Variants in PTPN9 observed in about 807,000 individuals in gnomAD.
PTPN9 encodes the protein tyrosine-protein phosphatase non-receptor type 9.
Under a neutral mutation model 69.8 loss-of-function variants are expected in PTPN9, and 26 were observed. That is an observed-to-expected ratio of 0.37 (90% CI 0.27 to 0.52). The LOEUF is 0.52. Among genes scored for constraint, PTPN9 ranks in the 20% least tolerant of loss-of-function variants. The pLI is 0.91. For synonymous variants in PTPN9, 274 were observed against 272.5 expected (o/e 1.01, Z -0.05); for missense variants, 549 against 740.3 (o/e 0.74, Z 3.00).
chr15:75,504,271 T>C (rs1457594942), intron 7 of PTPN9, among the ~76,000 whole-genome samples: 19 of 103,488 alleles, frequency 1.8e-4, no homozygotes, highest in East Asian at 6.9e-4. Context: ...GTCAGCCCCC[T>C]GCCCGGCCAG....
chr15:75,517,436 C>T, intron 4 of PTPN9, 72 bp from the exon 5 acceptor site: 1 of 1,188,800 alleles, frequency 8.4e-7, no homozygotes, highest in Non-Finnish European at 1.2e-6. Flanking sequence ...AGCCTAATGC[C>T]AAAACAAAAC....
chr15:75,504,455 C>T (rs2074802390), intron 7 of PTPN9, among the ~76,000 whole-genome samples: 1 of 132,686 alleles, frequency 7.5e-6, no homozygotes, highest in Non-Finnish European at 1.6e-5. Context: ...CCCGCCCGGC[C>T]AGCCGCCCGG....
chr15:75,572,981 T>C (rs1749429787), intron 1 of PTPN9, among the ~76,000 whole-genome samples: 1 of 152,144 alleles, frequency 6.6e-6, no homozygotes, highest in South Asian at 2.1e-4. Flanking sequence ...CAAACTATAT[T>C]TTAAGAAGCA....
chr15:75,473,810 A>C, intron 9 of PTPN9, 43 bp from the exon 10 acceptor site: 1 of 1,475,756 alleles, frequency 6.8e-7, no homozygotes, highest in Non-Finnish European at 9.4e-7. Context: ...TCTGGGAAAC[A>C]CTTTTTTTCT....
Position 75,505,877 on chromosome 15 carries a change from CG to C in PTPN9, c.765del (p.Asn255LysfsTer19). 1 of 1,613,996 alleles carries C rather than the reference CG, an allele frequency of 6.2e-7. No homozygotes were observed. Among genetic ancestry groups the C allele is most frequent in the Non-Finnish European group, 8.5e-7 (1 of 1,179,990 alleles). On this transcript the variant is annotated frameshift_variant, in exon 7 of 13. Transcript: ENST00000618819. LOFTEE classifies it high-confidence loss of function. ...TWNFQFLPQV[N>X]GHPDPFDEII... ...ATCTCATCGAAGGGATCTGGGTGGC[CG>C]TTCACCTGGGGTAGGAACTGGAAAT... is the stretch of plus-strand genomic sequence containing the variant.
chr15:75,479,774 T>G, intron 9 of PTPN9, 74 bp downstream of exon 9: 1 of 1,295,250 alleles, frequency 7.7e-7, no homozygotes, highest in South Asian at 1.4e-5. Context: ...CGTTTAAAAA[T>G]TATGCTATCA....
At chr15:75,568,674 G>GAA (rs112208881) in intron 1 of PTPN9, among the ~76,000 whole-genome samples, 25 of 138,976 alleles carry the variant, frequency 1.8e-4, no homozygotes, top group African/African-American at 2.1e-4. Context: ...CATCTCTTTA[G>GAA]AAAAAAAAAA....
intron 1 of PTPN9, among the ~76,000 whole-genome samples, chr15:75,560,746 C>T (rs576379448): frequency 2.6e-5 from 4 of 152,156 alleles, no homozygotes; most frequent in African/African-American, 9.6e-5. Flanking sequence ...TAAAGCCAGG[C>T]GCGGTGGCTC....
intron 7 of PTPN9, among the ~76,000 whole-genome samples, chr15:75,498,625 G>A (rs2074756695): frequency 6.6e-6 from 1 of 152,108 alleles, no homozygotes; most frequent in Admixed American, 6.5e-5. Context: ...TGAGGCAGGA[G>A]AATCGCTTGA....
intron 4 of PTPN9, 25 bp downstream of exon 4, chr15:75,523,096 C>T (rs778264140): frequency 1.2e-6 from 2 of 1,604,628 alleles, no homozygotes; most frequent in South Asian, 2.3e-5. Context: ...ATGTAGAATA[C>T]CTAAAAAATA....
chr15:75,567,011 T>A (rs932462405), intron 1 of PTPN9, among the ~76,000 whole-genome samples: 1 of 151,050 alleles, frequency 6.6e-6, no homozygotes, highest in African/African-American at 2.5e-5. Flanking sequence ...AATAGCCCAT[T>A]TTTTTTCTTT....
chr15:75,531,794 C>T (rs376449887), intron 1 of PTPN9, among the ~76,000 whole-genome samples: 8 of 151,912 alleles, frequency 5.3e-5, no homozygotes, highest in African/African-American at 1.4e-4. Context: ...CTCCTCACCT[C>T]GTGATCCACC....
rs1413179414 is a variant in PTPN9, at chr15:75,464,085, G to C, written c.*4684C>G. On this transcript the variant is annotated 3_prime_UTR_variant, in exon 13 of 13. Transcript: ENST00000618819. ...CTTTTCCTCCAATTGGAAGGCCAAG[G>C]GGGAAGAGAACTGAGGGAAGCTAGG... 6.6e-6 allele frequency: 1 copy of C among 152,330 alleles called. No homozygotes were observed. The highest frequency in any genetic ancestry group is 2.4e-5 in the African/African-American group (1 of 41,438). 9.4% of individuals were successfully genotyped at this position (152,330 alleles called of 1,614,324 possible).
chr15:75,545,015 C>T (rs1452863619), intron 1 of PTPN9, among the ~76,000 whole-genome samples: 2 of 152,116 alleles, frequency 1.3e-5, no homozygotes, highest in African/African-American at 2.4e-5. Flanking sequence ...TACTGCTTTC[C>T]AGCCAAGCAC....
At chr15:75,544,477 C>T (rs560896352) in intron 1 of PTPN9, among the ~76,000 whole-genome samples, 15 of 152,150 alleles carry the variant, frequency 9.9e-5, no homozygotes, top group Non-Finnish European at 1.8e-4. Flanking sequence ...CTACAGTGAG[C>T]TGTGATGATG....
chr15:75,568,641 C>A (rs1271537299), intron 1 of PTPN9, among the ~76,000 whole-genome samples: 2 of 151,536 alleles, frequency 1.3e-5, no homozygotes, highest in African/African-American at 4.8e-5. Flanking sequence ...TCGGGACCAG[C>A]CTAGGCAAGA....
rs1411743297 is a variant in PTPN9, at chr15:75,508,957, G to T, written c.599C>A (p.Ser200Tyr). ...GAPIWFRVPYSIISLLLKDKV... is the reference protein window; with the variant it reads ...GAPIWFRVPYYIISLLLKDKV... Reference sequence around the variant, plus strand: ...GTCCTTCAGGAGGAGACTGATGATGGAATAGGGCACTCGGAACCATATGGG... The same window carrying T: ...GTCCTTCAGGAGGAGACTGATGATGTAATAGGGCACTCGGAACCATATGGG... The change falls in exon 6 of 13, where the codon TCC becomes TAC. Residue 200 changes from serine (S) to tyrosine (Y), a missense_variant. Physicochemically the swap from Ser to Tyr is moderately radical, Grantham distance 144. Transcript: ENST00000618819. The T allele has an allele frequency of 6.2e-7, 1 of 1,613,958 alleles. No individual in the cohort carries two copies. Among genetic ancestry groups the T allele is most frequent in the African/African-American group, 1.3e-5 (1 of 74,936 alleles).
chr15:75,509,997 A>G (rs2074838102), intron 5 of PTPN9, among the ~76,000 whole-genome samples: 1 of 152,208 alleles, frequency 6.6e-6, no homozygotes. Context: ...AATTTTAACA[A>G]TAATAAATAA....
At chr15:75,500,659 G>C (rs1279413636) in intron 7 of PTPN9, among the ~76,000 whole-genome samples, 1 of 152,132 alleles carries the variant, frequency 6.6e-6, no homozygotes, top group Admixed American at 6.6e-5. Context: ...GGAAGGCTGA[G>C]GCAGGAGGAT....
Sources: allele counts gnomAD v4.1 joint callset (sites outside exome capture counted in the v4.1 genomes callset), GRCh38; gene constraint gnomAD v4.1.1; transcripts MANE v1.5; gene names NCBI Gene and HGNC (gene_info 2026-07-23, HGNC 2026-07-21).